Variants in DAB1 observed in about 807,000 individuals in gnomAD.
The protein encoded by DAB1 is DAB adaptor protein 1.
Under a neutral mutation model 64.6 loss-of-function variants are expected in DAB1, and 15 were observed. That is an observed-to-expected ratio of 0.23 (90% confidence interval 0.16 to 0.36). DAB1 has a LOEUF of 0.36. Among genes scored for constraint, DAB1 ranks in the 10% least tolerant of loss-of-function variants. DAB1 has a pLI of 1.00. For missense variants in DAB1, 596 were observed against 706.7 expected, an observed-to-expected ratio of 0.84 and a Z score of 1.78; for synonymous variants, 235 against 251.9, an observed-to-expected ratio of 0.93 and a Z score of 0.64.
intron 7 of DAB1, among the ~76,000 whole-genome samples, chr1:57,515,436 A>T (rs1277135985): frequency 6.6e-6 from 1 of 152,230 alleles, no homozygotes; most frequent in Non-Finnish European, 1.5e-5. Flanking sequence ...AGAGCAACAC[A>T]TAATATTTGA....
At chr1:57,587,035 C>T (rs1645389635) in intron 7 of DAB1, among the ~76,000 whole-genome samples, 1 of 152,194 alleles carries the variant, frequency 6.6e-6, no homozygotes, top group Non-Finnish European at 1.5e-5. Flanking sequence ...AACCATCTCT[C>T]CTCTTTATGC....
intron 4 of DAB1, among the ~76,000 whole-genome samples, chr1:58,308,262 T>G (rs1392807688): frequency 6.6e-6 from 1 of 152,144 alleles, no homozygotes; most frequent in Non-Finnish European, 1.5e-5. Flanking sequence ...CCTCACATCC[T>G]TTTATCCAAG....
At chr1:57,943,696 G>C (rs925959596) in intron 5 of DAB1, among the ~76,000 whole-genome samples, 2 of 152,198 alleles carry the variant, frequency 1.3e-5, no homozygotes, top group Admixed American at 1.3e-4. Flanking sequence ...ATTGCAGAAT[G>C]AGATACACAG....
At chr1:57,553,384 GAGAA>G (rs775593744) in intron 7 of DAB1, among the ~76,000 whole-genome samples, 555 of 6,944 alleles carry the variant, frequency 0.08, 14 homozygotes, top group Middle Eastern at 0.5. Flanking sequence ...AAGGAAGAAA[GAGAA>G]AGAAAGAAAG....
At chr1:58,119,225 C>CGT (rs35994489) in intron 5 of DAB1, among the ~76,000 whole-genome samples, 2,001 of 146,966 alleles carry the variant, frequency 0.014, 42 homozygotes, top group East Asian at 0.098. Context: ...TGTGTGTGTG[C>CGT]GTGTGTGTGT....
intron 3 of DAB1, among the ~76,000 whole-genome samples, chr1:58,408,425 T>C (rs889272273): frequency 1.3e-5 from 2 of 152,206 alleles, no homozygotes; most frequent in African/African-American, 2.4e-5. Flanking sequence ...TGGTAAGTTA[T>C]TTGTTTGCAT....
intron 9 of DAB1, among the ~76,000 whole-genome samples, chr1:57,032,068 A>T (rs1486068884): frequency 6.6e-6 from 1 of 152,156 alleles, no homozygotes; most frequent in East Asian, 1.9e-4. Context: ...AGTAATATCT[A>T]GTTCAAGATT....
intron 4 of DAB1, among the ~76,000 whole-genome samples, chr1:58,238,781 A>G (rs897075642): frequency 1.3e-5 from 2 of 152,186 alleles, no homozygotes; most frequent in African/African-American, 2.4e-5. Flanking sequence ...TGGCTATAGC[A>G]GACATGCTAT....
At chr1:58,489,589 G>A (rs1326136613) in intron 3 of DAB1, among the ~76,000 whole-genome samples, 4 of 152,328 alleles carry the variant, frequency 2.6e-5, no homozygotes, top group Non-Finnish European at 4.4e-5. Flanking sequence ...GCTTAGAAGA[G>A]AGTAGTGGTT....
At chr1:58,466,999 TG>T (rs1224007578) in intron 3 of DAB1, among the ~76,000 whole-genome samples, 1 of 152,188 alleles carries the variant, frequency 6.6e-6, no homozygotes, top group African/African-American at 2.4e-5. Context: ...ATCTGCGGCT[TG>T]CCTTGTGTGA....
intron 3 of DAB1, among the ~76,000 whole-genome samples, chr1:58,345,780 T>C (rs1409536316): frequency 6.6e-6 from 1 of 152,150 alleles, no homozygotes; most frequent in Non-Finnish European, 1.5e-5. Flanking sequence ...CCCAGGAGGT[T>C]GCAGCCCCTC....
intron 3 of DAB1, among the ~76,000 whole-genome samples, chr1:58,360,799 T>A (rs1644157440): frequency 6.6e-6 from 1 of 152,128 alleles, no homozygotes; most frequent in Admixed American, 6.5e-5. Context: ...ATAATATATA[T>A]TCCTTATAGA....
chr1:58,032,881 G>A (rs1646991007), intron 5 of DAB1, among the ~76,000 whole-genome samples: 1 of 152,184 alleles, frequency 6.6e-6, no homozygotes, highest in South Asian at 2.1e-4. Flanking sequence ...CTCATAGCCT[G>A]GCCCCTGCCT....
chr1:57,746,071 G>A (rs558178659), intron 6 of DAB1, among the ~76,000 whole-genome samples: 1 of 152,072 alleles, frequency 6.6e-6, no homozygotes, highest in African/African-American at 2.4e-5. Context: ...ACACTTTAGC[G>A]ATCCTTTCCC....
intron 3 of DAB1, among the ~76,000 whole-genome samples, chr1:58,429,089 A>G (rs1644846624): frequency 6.6e-6 from 1 of 152,230 alleles, no homozygotes; most frequent in African/African-American, 2.4e-5. Flanking sequence ...ACTATATGTA[A>G]AAGTATATAG....
intron 4 of DAB1, among the ~76,000 whole-genome samples, chr1:58,328,882 A>G (rs1662908701): frequency 6.6e-6 from 1 of 152,084 alleles, no homozygotes; most frequent in Admixed American, 6.5e-5. Context: ...CTTCTTTTTA[A>G]CCAGGCCAAC....
At chr1:57,032,381 T>G (rs1294304081) in intron 9 of DAB1, among the ~76,000 whole-genome samples, 1 of 152,058 alleles carries the variant, frequency 6.6e-6, no homozygotes, top group Non-Finnish European at 1.5e-5. Context: ...AGAGACACAA[T>G]CAATGGAGGA....
chr1:57,684,209 G>T (rs1443652524), intron 6 of DAB1, among the ~76,000 whole-genome samples: 4 of 152,104 alleles, frequency 2.6e-5, no homozygotes, highest in Non-Finnish European at 5.9e-5. Flanking sequence ...TGAGGATATA[G>T]TCTATGAAAA....
chr1:57,524,258 T>C (rs1377467944), intron 7 of DAB1, among the ~76,000 whole-genome samples: 1 of 152,190 alleles, frequency 6.6e-6, no homozygotes, highest in Non-Finnish European at 1.5e-5. Flanking sequence ...CATAAGTTTC[T>C]AAATTAAAAG....
Sources: allele counts gnomAD v4.1 joint callset (sites outside exome capture counted in the v4.1 genomes callset), GRCh38; gene constraint gnomAD v4.1.1; transcripts MANE v1.5; gene names NCBI Gene and HGNC (gene_info 2026-07-23, HGNC 2026-07-21).